OSBPL1A: variants seen among roughly 807,000 people sequenced by gnomAD.
OSBPL1A encodes oxysterol-binding protein-related protein 1.
A neutral mutation model predicts 137.1 loss-of-function variants in OSBPL1A; 80 were observed. The observed-to-expected ratio is 0.58, with a 90% CI of 0.49 to 0.70. The LOEUF is 0.70. OSBPL1A is among the 30% of genes least tolerant of loss of function. OSBPL1A has a pLI of 0.00. For synonymous variants in OSBPL1A, 365 were observed against 389.7 expected (o/e 0.94, Z 0.75); for missense variants, 970 against 1,129.4 (o/e 0.86, Z 2.02).
chr18:24,257,136 T>C (rs551555376), intron 15 of OSBPL1A, among the ~76,000 whole-genome samples: 33 of 152,210 alleles, frequency 2.2e-4, no homozygotes, highest in African/African-American at 7.7e-4. Flanking sequence ...AATTTTAGAA[T>C]TTATGTGGAA....
chr18:24,369,359 A>T (rs1477999312), intron 2 of OSBPL1A, among the ~76,000 whole-genome samples: 1 of 152,188 alleles, frequency 6.6e-6, no homozygotes, highest in Non-Finnish European at 1.5e-5. Context: ...TATTCAGAGC[A>T]CTATTTAGAG....
At chr18:24,380,431 A>C (rs1370970721) in intron 1 of OSBPL1A, among the ~76,000 whole-genome samples, 4 of 152,204 alleles carry the variant, frequency 2.6e-5, no homozygotes, top group African/African-American at 7.2e-5. Context: ...CTGCATGTCC[A>C]GCTGAGGGTC....
chr18:24,217,505 C>A (rs1362237209), intron 17 of OSBPL1A, among the ~76,000 whole-genome samples: 1 of 152,124 alleles, frequency 6.6e-6, no homozygotes, highest in African/African-American at 2.4e-5. Context: ...GATACACTTG[C>A]CTCTGCCTCC....
chr18:24,372,369 A>G (rs758641257), intron 2 of OSBPL1A, among the ~76,000 whole-genome samples: 38 of 151,980 alleles, frequency 2.5e-4, no homozygotes, highest in Non-Finnish European at 4.9e-4. Flanking sequence ...TTCAAAATCC[A>G]TATTTCCATC....
At chr18:24,304,438 T>C (rs1264559621) in intron 13 of OSBPL1A, among the ~76,000 whole-genome samples, 1 of 152,216 alleles carries the variant, frequency 6.6e-6, no homozygotes, top group Non-Finnish European at 1.5e-5. Flanking sequence ...ACATTAAAAA[T>C]GTCATTTTGA....
At chr18:24,373,793 A>G (rs1156655989) in intron 2 of OSBPL1A, among the ~76,000 whole-genome samples, 1 of 152,178 alleles carries the variant, frequency 6.6e-6, no homozygotes, top group Non-Finnish European at 1.5e-5. Context: ...ACATGGAAAC[A>G]CTATTCACGC....
chr18:24,255,006 G>A (rs1400518820), intron 15 of OSBPL1A, among the ~76,000 whole-genome samples: 2 of 152,110 alleles, frequency 1.3e-5, no homozygotes, highest in African/African-American at 4.8e-5. Flanking sequence ...AATCAGGGAT[G>A]AAAATGGAAA....
intron 23 of OSBPL1A, 84 bp from the exon 24 acceptor site, chr18:24,170,537 C>A: frequency 1.3e-6 from 2 of 1,526,950 alleles, no homozygotes; most frequent in Non-Finnish European, 1.8e-6. Context: ...CAGGCGGTCT[C>A]CCATCCGAGT....
At chr18:24,185,185 A>AT (rs200627294) in intron 18 of OSBPL1A, among the ~76,000 whole-genome samples, 1,976 of 152,244 alleles carry the variant, frequency 0.013, 18 homozygotes, top group South Asian at 0.033. Flanking sequence ...AGCAAAGGGG[A>AT]TTTTTAAGGC....
intron 4 of OSBPL1A, chr18:24,358,319 C>T: frequency 1.6e-6 from 1 of 610,798 alleles, no homozygotes; most frequent in Non-Finnish European, 2.9e-6. Context: ...ACAGGGACAA[C>T]TTTGAAGCAT....
rs1344384932 is a variant in OSBPL1A, at chr18:24,171,484, C to G, written c.2216G>C (p.Cys739Ser). 1 of 1,613,096 alleles carries G rather than the reference C, an allele frequency of 6.2e-7. No individual in the cohort carries two copies. The change falls in exon 23 of 28, where the codon TGT becomes TCT. Residue 739 changes from cysteine (C) to serine (S), a missense_variant. Cys to Ser is a moderately radical substitution (Grantham distance 112). Around this residue, in one of 2 missense-constraint regions of OSBPL1A, gnomAD observed 323 missense variants for 456.8 expected, o/e 0.71. Transcript: ENST00000319481. ...GCCACATGGCTTAAAATTCAACACACATTTGTCCCCAGTCCTATAAAGAAA... is the reference window on the plus strand; with the variant it reads ...GCCACATGGCTTAAAATTCAACACAGATTTGTCCCCAGTCCTATAAAGAAA... The part of the protein sequence containing the change: ...EIINHKTGDK[C>S]VLNFKPCGLF...
At chr18:24,203,503 G>A (rs1018268932) in intron 17 of OSBPL1A, among the ~76,000 whole-genome samples, 15 of 152,152 alleles carry the variant, frequency 9.9e-5, no homozygotes, top group Admixed American at 9.8e-4. Flanking sequence ...CCTTCACATC[G>A]ACAGACACAG....
At chr18:24,270,204 T>C (rs963362886) in intron 15 of OSBPL1A, among the ~76,000 whole-genome samples, 1 of 152,228 alleles carries the variant, frequency 6.6e-6, no homozygotes, top group Non-Finnish European at 1.5e-5. Context: ...GCCAACCTTT[T>C]TATAAAGAAT....
intron 18 of OSBPL1A, among the ~76,000 whole-genome samples, chr18:24,181,903 G>C (rs2086616056): frequency 6.6e-6 from 1 of 152,150 alleles, no homozygotes; most frequent in Non-Finnish European, 1.5e-5. Flanking sequence ...TCAGTGGAGT[G>C]TGGAACAGCT....
intron 14 of OSBPL1A, among the ~76,000 whole-genome samples, chr18:24,288,839 T>C (rs2090120972): frequency 6.6e-6 from 1 of 151,506 alleles, no homozygotes; most frequent in Non-Finnish European, 1.5e-5. Flanking sequence ...AAGATGGCTA[T>C]GGCCTATTTT....
rs2087232307 is a variant in OSBPL1A at position 24,201,896 on chromosome 18, A to G, written c.1602-5696T>C. Among the ~76,000 whole-genome samples, 3 of 152,180 alleles carry G rather than the reference A, an allele frequency of 2.0e-5. 1 individual carries two copies. The South Asian group carries it at 6.2e-4, about 32-fold the overall frequency. ...CATCTGCTCTGTGGATTGCTAGGCTAGACACTCAACACTGTTTGCTCATAG... is the reference window on the plus strand; with the variant it reads ...CATCTGCTCTGTGGATTGCTAGGCTGGACACTCAACACTGTTTGCTCATAG... On this transcript the variant is annotated intron_variant, in intron 17 of 27. Coordinates refer to ENST00000319481, the MANE Select transcript of OSBPL1A (RefSeq NM_080597.4).
chr18:24,238,760 A>G (rs1037137602), intron 16 of OSBPL1A, among the ~76,000 whole-genome samples: 9 of 152,200 alleles, frequency 5.9e-5, no homozygotes, highest in African/African-American at 2.2e-4. Flanking sequence ...TGCTCCAGAC[A>G]CATGGTGGTC....
chr18:24,299,012 T>C (rs1232097889), intron 14 of OSBPL1A, among the ~76,000 whole-genome samples: 5 of 152,360 alleles, frequency 3.3e-5, no homozygotes, highest in South Asian at 2.1e-4. Flanking sequence ...TAAACTGTTA[T>C]TGCTTTAAAG....
chr18:24,322,910 A>G (rs2090891976), intron 7 of OSBPL1A, among the ~76,000 whole-genome samples: 1 of 152,202 alleles, frequency 6.6e-6, no homozygotes, highest in Non-Finnish European at 1.5e-5. Flanking sequence ...CTTACCAACC[A>G]CAACAAAATA....
Sources: gnomAD v4.1 joint callset for allele counts (sites outside exome capture counted in the v4.1 genomes callset) on GRCh38, gnomAD v4.1.1 for gene constraint, gnomAD v4.1.1 regional missense constraint, MANE v1.5 for transcripts, NCBI Gene and HGNC (gene_info 2026-07-23, HGNC 2026-07-21) for gene names.